The following NDE1 variants were observed in gnomAD, a reference collection of about 807,000 sequenced individuals.
NDE1 encodes the protein nudE neurodevelopment protein 1.
A neutral mutation model predicts 43.4 loss-of-function variants in NDE1; 28 were observed. That is an observed-to-expected ratio of 0.65 (90% CI 0.48 to 0.89). NDE1 has a LOEUF of 0.89. Ranked by LOEUF, NDE1 falls within the 40% of genes least tolerant of loss-of-function variation. The pLI, the probability that NDE1 is intolerant of heterozygous loss-of-function variation, is 0.00. For synonymous variants in NDE1, 184 were observed against 172.0 expected (o/e 1.07, Z -0.55); for missense variants, 441 against 434.1 (o/e 1.02, Z -0.14).
intron 3 of NDE1, among the ~76,000 whole-genome samples, chr16:15,675,424 G>GTT (rs11352866): frequency 1.1e-3 from 154 of 136,382 alleles, no homozygotes; most frequent in Non-Finnish European, 1.9e-3. Flanking sequence ...GTGATTTTGG[G>GTT]TTTTTTTTTT....
At chr16:15,674,591 C>G (rs182339927) in intron 3 of NDE1, among the ~76,000 whole-genome samples, 1 of 152,150 alleles carries the variant, frequency 6.6e-6, no homozygotes, top group Admixed American at 6.6e-5. Flanking sequence ...TTCTTTCTGT[C>G]TCCATGCTAC....
intron 1 of NDE1, among the ~76,000 whole-genome samples, chr16:15,662,474 A>G (rs1381863234): frequency 6.6e-6 from 1 of 150,530 alleles, no homozygotes; most frequent in Non-Finnish European, 1.5e-5. Context: ...TAGTAGGGAC[A>G]GGGTTTCACC....
chr16:15,694,743 C>T (rs762544113), intron 7 of NDE1: 11 of 985,252 alleles, frequency 1.1e-5, no homozygotes, highest in African/African-American at 8.7e-5. Flanking sequence ...GCCAGACACT[C>T]AGAGCTCTGA....
Position 15,691,184 on chromosome 16 carries a change from A to T in NDE1, c.564A>T (p.Lys188Asn), listed in dbSNP as rs1190307749. ...TGGCCGTGCAGCAGAAGCAGGAGAA[A>T]CCCAGGACCCCCATGCCCAGCTCAG... ...QELAVQQKQE[K>N]PRTPMPSSVE... Residue 188 changes from lysine (K) to asparagine (N), a missense_variant, in exon 6 of 9, where the codon AAA (lysine) becomes AAT (asparagine). By Grantham distance (94) the Lys-to-Asn change is moderately conservative. Transcript: ENST00000396354. The T allele has an allele frequency of 6.2e-7, 1 of 1,613,998 alleles. No individual in the cohort carries two copies. The highest frequency in any genetic ancestry group is 8.5e-7 in the Non-Finnish European group (1 of 1,180,034).
At chr16:15,672,623 G>C (rs2037653405) in intron 3 of NDE1, 1 of 152,204 alleles carries the variant, frequency 6.6e-6, no homozygotes, top group African/African-American at 2.4e-5. Flanking sequence ...CCCATCAGCT[G>C]ACAGCTTATT....
chr16:15,711,495 T>C (rs1394665741), intron 8 of NDE1, among the ~76,000 whole-genome samples: 1 of 152,192 alleles, frequency 6.6e-6, no homozygotes, highest in Non-Finnish European at 1.5e-5. Context: ...ATAGAGGTGA[T>C]GCTGGTTTAA....
rs752993685 is a variant in NDE1 at position 15,643,753 on chromosome 16, T to A, written c.-340T>A. The A allele has an allele frequency of 1.0e-4, 22 of 213,612 alleles. No homozygotes were observed. The highest frequency in any genetic ancestry group is 1.9e-4 in the Non-Finnish European group (20 of 105,876). 13.2% of individuals were successfully genotyped at this position (213,612 alleles called of 1,614,324 possible). A position where few individuals can be genotyped will look rare whatever the true frequency, so the allele number is the denominator to read the frequency against. On this transcript the variant is annotated 5_prime_UTR_variant, in exon 1 of 10. Transcript: ENST00000396355. ...GAGTTCTCGCAAAGTTGCGACCCAGTTGGCAAAAATACAGTGTGTGCAAAG... is the reference window on the plus strand; with the variant it reads ...GAGTTCTCGCAAAGTTGCGACCCAGATGGCAAAAATACAGTGTGTGCAAAG...
chr16:15,723,361 T>C lies in NDE1; in HGVS notation c.948-830T>C, dbSNP rs371798972. Among the ~76,000 whole-genome samples, 94 of 152,158 alleles carry C rather than the reference T, an allele frequency of 6.2e-4. 4 individuals carry two copies. The South Asian group carries it at 0.019, about 31-fold the overall frequency. On this transcript the variant is annotated intron_variant, in intron 8 of 8. Transcript: ENST00000396354. The stretch of plus-strand genomic sequence containing the variant: ...TAGAATTAGTCTTTATAAATAAATA[T>C]GTGGGCCGGGCATAGTGGCTCATAC...
chr16:15,691,210 T>C lies in NDE1; in HGVS notation c.590T>C (p.Val197Ala), dbSNP rs1351582309. Residue 197 changes from valine to alanine, a missense_variant, in exon 6 of 9, where the codon GTG (valine) becomes GCG (alanine). Transcript: ENST00000396354. ...CCCAGGACCCCCATGCCCAGCTCAG[T>C]GGAAGCTGAGAGGACAGACACAGCT... ...EKPRTPMPSSVEAERTDTAVQ... is the reference protein window; with the variant it reads ...EKPRTPMPSSAEAERTDTAVQ... 1 of 1,613,936 alleles carries C rather than the reference T, an allele frequency of 6.2e-7. No individual in the cohort carries two copies. The highest frequency in any genetic ancestry group is 8.5e-7 in the Non-Finnish European group (1 of 1,179,998).
intron 4 of NDE1, among the ~76,000 whole-genome samples, chr16:15,682,748 A>G (rs2038247040): frequency 6.6e-6 from 1 of 152,116 alleles, no homozygotes; most frequent in African/African-American, 2.4e-5. Context: ...TTTTTGAGAC[A>G]GAGTCTTGCT....
At chr16:15,663,684 C>G (rs544497395) in intron 1 of NDE1, among the ~76,000 whole-genome samples, 1 of 152,140 alleles carries the variant, frequency 6.6e-6, no homozygotes, top group Non-Finnish European at 1.5e-5. Context: ...TCAGAACACA[C>G]CAATGTGTAT....
chr16:15,721,197 G>C (rs2040457349), intron 8 of NDE1: 1 of 993,226 alleles, frequency 1.0e-6, no homozygotes, highest in Non-Finnish European at 1.5e-6. Context: ...GATGACCCCT[G>C]AGAGTTCAGA....
chr16:15,726,014 C>T lies in NDE1; in HGVS notation c.*1763C>T, dbSNP rs553602134. On this transcript the variant is annotated 3_prime_UTR_variant, in exon 9 of 9. Coordinates refer to ENST00000396354, the MANE Select transcript of NDE1 (RefSeq NM_017668.3). ...AGCTCTACTGGCTGTATGTCTCTCT[C>T]CTAATTTTTCTACTTACCACAGGGC... is the stretch of plus-strand genomic sequence containing the variant. 8 of 270,056 alleles carry T rather than the reference C, an allele frequency of 3.0e-5. No homozygotes were observed. The highest frequency in any genetic ancestry group is 1.5e-4 in the African/African-American group (7 of 45,582). The allele number at this position is 270,056 out of a possible 1,614,324, so 16.7% of individuals were successfully genotyped here.
chr16:15,646,576 G>A (rs187229428), upstream of NDE1, among the ~76,000 whole-genome samples: 372 of 150,132 alleles, frequency 2.5e-3, 2 homozygotes, highest in Middle Eastern at 3.4e-3. Context: ...ACGAGACTCC[G>A]TCAAAAAAAA....
intron 4 of NDE1, among the ~76,000 whole-genome samples, chr16:15,680,059 T>A (rs2038095130): frequency 6.6e-6 from 1 of 152,148 alleles, no homozygotes; most frequent in Admixed American, 6.6e-5. Context: ...GATTACGGGC[T>A]TGAGCCACCA....
chr16:15,699,563 C>G, intron 8 of NDE1: 2 of 1,184,688 alleles, frequency 1.7e-6, no homozygotes, highest in Non-Finnish European at 2.1e-6. Context: ...AATCTGAGAG[C>G]CAGGTAGCCA....
intron 6 of NDE1, among the ~76,000 whole-genome samples, chr16:15,691,957 C>G (rs2038775641): frequency 6.6e-6 from 1 of 151,888 alleles, no homozygotes; most frequent in South Asian, 2.1e-4. Flanking sequence ...AATATAAAAC[C>G]TCCCAAATTT....
At chr16:15,719,950 T>C (rs1034450393) in intron 8 of NDE1, among the ~76,000 whole-genome samples, 1 of 152,160 alleles carries the variant, frequency 6.6e-6, no homozygotes, top group Non-Finnish European at 1.5e-5. Context: ...CTGAGGGCAG[T>C]GGCCAAATAC....
intron 1 of NDE1, among the ~76,000 whole-genome samples, chr16:15,661,968 C>A (rs1176889539): frequency 2.0e-5 from 3 of 150,942 alleles, no homozygotes; most frequent in Non-Finnish European, 4.4e-5. Flanking sequence ...AGGTCTCACT[C>A]TCTTGCCCAG....
Sources: allele counts gnomAD v4.1 joint callset (sites outside exome capture counted in the v4.1 genomes callset), GRCh38; gene constraint gnomAD v4.1.1; transcripts MANE v1.5; gene names NCBI Gene and HGNC (gene_info 2026-07-23, HGNC 2026-07-21).